The following TMEM245 variants were observed in gnomAD, a reference collection of about 807,000 sequenced individuals.
The protein encoded by TMEM245 is transmembrane protein 245, also known as protein CG-2.
Under a neutral mutation model 101.2 loss-of-function variants are expected in TMEM245, and 69 were observed. The ratio of observed to expected loss-of-function variants is 0.68; its 90% CI spans 0.56 to 0.83. The LOEUF (loss-of-function observed/expected upper bound fraction) is 0.83, where lower values mean the gene tolerates loss of function less well. TMEM245 is among the 40% of genes least tolerant of loss of function. TMEM245 has a pLI of 0.00. For synonymous variants in TMEM245, 537 were observed against 449.8 expected, an observed-to-expected ratio of 1.19 and a Z score of -2.45; for missense variants, 1,075 against 1,092.8, an observed-to-expected ratio of 0.98 and a Z score of 0.23.
intron 4 of TMEM245, 94 bp from the exon 5 acceptor site, chr9:109,091,249 T>C: frequency 9.1e-7 from 1 of 1,097,118 alleles, no homozygotes; most frequent in Non-Finnish European, 1.3e-6. Flanking sequence ...GTTTCAGGCC[T>C]TCAAAATGTG....
intron 17 of TMEM245, among the ~76,000 whole-genome samples, chr9:109,027,520 T>C (rs1166551646): frequency 6.6e-6 from 1 of 152,046 alleles, no homozygotes; most frequent in Non-Finnish European, 1.5e-5. Context: ...GCTTTTAGTC[T>C]CTAGCCAGGA....
chr9:109,111,421 A>G (rs968116371), intron 1 of TMEM245, among the ~76,000 whole-genome samples: 3 of 152,182 alleles, frequency 2.0e-5, no homozygotes, highest in African/African-American at 7.2e-5. Flanking sequence ...TGCATAAGGA[A>G]TTAGTATCAT....
At chr9:109,071,022 C>T (rs77780831) in intron 9 of TMEM245, among the ~76,000 whole-genome samples, 22,163 of 151,994 alleles carry the variant, frequency 0.15, 1,845 homozygotes, top group African/African-American at 0.2. Context: ...CCTGGGATTA[C>T]AGGTGTGTGC....
rs112085921 is a variant in TMEM245, at chr9:109,029,035, C to G, written c.2594+4272G>C. Among the ~76,000 whole-genome samples, 151 of 151,954 alleles carry G rather than the reference C, an allele frequency of 9.9e-4. 1 individual carries two copies. Among genetic ancestry groups the G allele is most frequent in the African/African-American group, 3.3e-3 (138 of 41,428 alleles). The stretch of plus-strand genomic sequence containing the variant: ...ATGTCATACAAAATATAAACCTGTA[C>G]GCTAAAAAGGTACATTTTACTCTAA... On this transcript the variant is annotated intron_variant, in intron 17 of 17. Coordinates refer to ENST00000374586, the MANE Select transcript of TMEM245 (RefSeq NM_032012.4).
intron 14 of TMEM245, chr9:109,038,629 A>G (rs894846961): frequency 2.0e-5 from 3 of 152,384 alleles, no homozygotes; most frequent in African/African-American, 7.2e-5. Context: ...TGTTTCTTAA[A>G]CTATGTAACT....
intron 17 of TMEM245, among the ~76,000 whole-genome samples, chr9:109,030,398 A>G (rs1286304195): frequency 1.3e-5 from 2 of 152,258 alleles, no homozygotes; most frequent in East Asian, 3.8e-4. Flanking sequence ...TTTTAGAAGG[A>G]CAAAGAGTTA....
rs1827468109 is a variant in TMEM245, at chr9:109,017,060, T to G, written c.*3400A>C. 6.6e-6 allele frequency: 1 copy of G among 152,192 alleles called. No individual in the cohort carries two copies. The allele number at this position is 152,192 out of a possible 1,614,324, so 9.4% of individuals were successfully genotyped here. On this transcript the variant is annotated 3_prime_UTR_variant, in exon 18 of 18. Coordinates refer to ENST00000374586, the MANE Select transcript of TMEM245 (RefSeq NM_032012.4). ...GTATTGCTTGACCAGTAGTGACACA[T>G]TCCTGAGGCACTAATATAACCCAAA...
chr9:109,021,673 A>G (rs1827626828), intron 17 of TMEM245, among the ~76,000 whole-genome samples: 1 of 152,026 alleles, frequency 6.6e-6, no homozygotes, highest in Admixed American at 6.5e-5. Flanking sequence ...ATGACACCAC[A>G]TCCGGCTAAT....
At chr9:109,060,678 T>C (rs1828985757) in intron 10 of TMEM245, among the ~76,000 whole-genome samples, 1 of 152,218 alleles carries the variant, frequency 6.6e-6, no homozygotes, top group Non-Finnish European at 1.5e-5. Context: ...CTTAGGTCTC[T>C]AAGAGAGCTA....
In TMEM245 at chr9:109,057,215, G is replaced by A. The variant is rs377243269; in HGVS notation, c.1830C>T (p.His610=). 426 of 1,613,562 alleles carry A rather than the reference G, an allele frequency of 2.6e-4. No homozygotes were observed. Among genetic ancestry groups the A allele is most frequent in the Non-Finnish European group, 3.4e-4 (400 of 1,179,796 alleles). The change falls in exon 12 of 18, where the codon CAC becomes CAT. Residue 610 remains histidine (H), a synonymous_variant. Coordinates refer to ENST00000374586, the MANE Select transcript of TMEM245 (RefSeq NM_032012.4). ...LDWQDIVSFV[H]ENIETFLSIL... ...CCGAAAGAAATGTCTCAATGTTCTC[G>A]TGAACAAAGGAAACAATATCCTGCC... is the stretch of plus-strand genomic sequence containing the variant.
chr9:109,114,030 C>A (rs927450592), intron 1 of TMEM245, among the ~76,000 whole-genome samples: 1 of 152,082 alleles, frequency 6.6e-6, no homozygotes, highest in Admixed American at 6.5e-5. Context: ...GAGCCGAGAA[C>A]GCGCCATTGC....
At chr9:109,091,186 G>A (rs768018849) in intron 4 of TMEM245, 31 bp from the exon 5 acceptor site, 34 of 1,570,226 alleles carry the variant, frequency 2.2e-5, no homozygotes, top group East Asian at 9.0e-5. Context: ...ACCACACACC[G>A]CATTAGTCCA....
intron 8 of TMEM245, among the ~76,000 whole-genome samples, chr9:109,075,662 C>G (rs1005069576): frequency 6.6e-6 from 1 of 152,112 alleles, no homozygotes; most frequent in Non-Finnish European, 1.5e-5. Flanking sequence ...ATTCCCTTAT[C>G]CTTTCAAGAT....
chr9:109,057,925 C>CTTTTTTTTTTT (rs35332085), intron 11 of TMEM245, among the ~76,000 whole-genome samples: 4 of 112,746 alleles, frequency 3.5e-5, no homozygotes, highest in East Asian at 2.8e-4. Flanking sequence ...CATTTACTTT[C>CTTTTTTTTTTT]TTTTTTTTTT....
At chr9:109,092,205 C>T (rs1382502914) in intron 4 of TMEM245, among the ~76,000 whole-genome samples, 2 of 152,182 alleles carry the variant, frequency 1.3e-5, no homozygotes, top group African/African-American at 4.8e-5. Flanking sequence ...CTGGCACATA[C>T]AATAGTATCT....
At chr9:109,091,383 A>C (rs1487907251) in intron 4 of TMEM245, among the ~76,000 whole-genome samples, 1 of 152,262 alleles carries the variant, frequency 6.6e-6, no homozygotes, top group Non-Finnish European at 1.5e-5. Context: ...AGACTAAGTT[A>C]GTTGGTGATA....
At chr9:109,109,891 C>G (rs1179625232) in intron 1 of TMEM245, among the ~76,000 whole-genome samples, 1 of 152,080 alleles carries the variant, frequency 6.6e-6, no homozygotes, top group Non-Finnish European at 1.5e-5. Context: ...GTGATTACAT[C>G]TACTATATGG....
intron 14 of TMEM245, among the ~76,000 whole-genome samples, chr9:109,046,721 T>C (rs372313838): frequency 4.6e-5 from 7 of 152,248 alleles, no homozygotes; most frequent in African/African-American, 1.7e-4. Context: ...GTATCACTGA[T>C]ATTTGTAGGC....
chr9:109,036,088 G>T, intron 16 of TMEM245, 118 bp downstream of exon 16: 1 of 692,234 alleles, frequency 1.4e-6, no homozygotes, highest in Non-Finnish European at 2.1e-6. Flanking sequence ...CTATTTCACT[G>T]AAAATTCCTA....
Sources: gnomAD v4.1 joint callset for allele counts (sites outside exome capture counted in the v4.1 genomes callset) on GRCh38, gnomAD v4.1.1 for gene constraint, MANE v1.5 for transcripts, NCBI Gene and HGNC (gene_info 2026-07-23, HGNC 2026-07-21) for gene names.